The following NDST3 variants were observed in gnomAD, a reference collection of about 807,000 sequenced individuals.
The protein encoded by NDST3 is bifunctional heparan sulfate N-deacetylase/N-sulfotransferase 3.
Under a neutral mutation model 96.1 loss-of-function variants are expected in NDST3, and 58 were observed. The ratio of observed to expected loss-of-function variants is 0.60; its 90% confidence interval spans 0.49 to 0.75. The LOEUF (loss-of-function observed/expected upper bound fraction) is 0.75. Ranked by LOEUF, NDST3 falls within the 30% of genes least tolerant of loss-of-function variation. NDST3 has a pLI of 0.00. For missense variants in NDST3, 788 were observed against 1,034.2 expected, an observed-to-expected ratio of 0.76 and a Z score of 3.27; for synonymous variants, 333 against 359.7, an observed-to-expected ratio of 0.93 and a Z score of 0.84.
chr4:118,154,223 T>G (rs1488067325), intron 6 of NDST3, among the ~76,000 whole-genome samples: 19 of 152,214 alleles, frequency 1.2e-4, no homozygotes, highest in Admixed American at 1.2e-3. Flanking sequence ...CCAATTGTTC[T>G]GTATCTGTAA....
chr4:118,199,869 G>C (rs1290988378), intron 6 of NDST3, among the ~76,000 whole-genome samples: 1 of 152,084 alleles, frequency 6.6e-6, no homozygotes, highest in Non-Finnish European at 1.5e-5. Flanking sequence ...GATTACCGGA[G>C]ACTCTGGTTC....
At chr4:118,071,956 C>T (rs964077183) in intron 2 of NDST3, among the ~76,000 whole-genome samples, 17 of 151,900 alleles carry the variant, frequency 1.1e-4, no homozygotes, top group South Asian at 2.1e-4. Flanking sequence ...TGGTGTAAGA[C>T]GGTATCTCAT....
chr4:118,079,684 G>A (rs1727854119), intron 2 of NDST3, among the ~76,000 whole-genome samples: 1 of 152,130 alleles, frequency 6.6e-6, no homozygotes, highest in South Asian at 2.1e-4. Context: ...TTTGGCAAGG[G>A]AATAATAAGG....
intron 6 of NDST3, among the ~76,000 whole-genome samples, chr4:118,157,913 C>T (rs1023043495): frequency 3.3e-5 from 5 of 151,818 alleles, no homozygotes; most frequent in South Asian, 2.1e-4. Context: ...TAACTGCATA[C>T]GTTTAGTGAA....
intron 2 of NDST3, among the ~76,000 whole-genome samples, chr4:118,092,705 G>A (rs551037412): frequency 6.6e-6 from 1 of 151,934 alleles, no homozygotes; most frequent in East Asian, 1.9e-4. Context: ...ATTTATGAGT[G>A]CCTACTACAT....
chr4:118,214,717 A>G (rs995454231), intron 6 of NDST3, among the ~76,000 whole-genome samples: 1 of 152,112 alleles, frequency 6.6e-6, no homozygotes, highest in Non-Finnish European at 1.5e-5. Flanking sequence ...ATAGGGATAG[A>G]GAGGATCCGT....
At chr4:118,089,952 T>C (rs548923615) in intron 2 of NDST3, among the ~76,000 whole-genome samples, 4 of 152,052 alleles carry the variant, frequency 2.6e-5, no homozygotes, top group African/African-American at 9.6e-5. Flanking sequence ...ATGTCAGCCC[T>C]GCTTTTGCTC....
intron 6 of NDST3, among the ~76,000 whole-genome samples, chr4:118,184,524 A>G (rs1736802155): frequency 6.6e-6 from 1 of 151,476 alleles, no homozygotes; most frequent in Non-Finnish European, 1.5e-5. Flanking sequence ...TATAGTCACA[A>G]GCCAATTCCT....
rs1346644363 is a variant in NDST3 at position 118,075,286 on chromosome 4, T to C, written c.981+20395T>C. Among the ~76,000 whole-genome samples, 15 of 152,226 alleles carry C rather than the reference T, an allele frequency of 9.9e-5. 1 individual carries two copies. On this transcript the variant is annotated intron_variant, in intron 2 of 13. Coordinates refer to ENST00000296499, the MANE Select transcript of NDST3 (RefSeq NM_004784.3). ...GTGTATATGTGCCACAATTTCTTAA[T>C]CCAGTCTATCATTGTTGGACATTTG...
intron 5 of NDST3, among the ~76,000 whole-genome samples, chr4:118,140,528 C>A (rs555953229): frequency 6.6e-6 from 1 of 152,284 alleles, no homozygotes; most frequent in East Asian, 1.9e-4. Flanking sequence ...TTGAATATGA[C>A]TCTCTGGAAA....
chr4:118,156,714 T>C (rs1303973125), intron 6 of NDST3, among the ~76,000 whole-genome samples: 3 of 152,176 alleles, frequency 2.0e-5, no homozygotes, highest in East Asian at 1.9e-4. Context: ...TCACTCATAA[T>C]AAGAAAAATG....
chr4:118,238,487 A>G (rs1740825788), intron 10 of NDST3, among the ~76,000 whole-genome samples: 1 of 152,218 alleles, frequency 6.6e-6, no homozygotes, highest in Non-Finnish European at 1.5e-5. Flanking sequence ...TTTAATATGA[A>G]GCAGTCAAAA....
rs540511311 is a variant in NDST3 at position 118,176,291 on chromosome 4, A to G, written c.1539+32607A>G. Among the ~76,000 whole-genome samples, 4 of 152,170 alleles carry G rather than the reference A, an allele frequency of 2.6e-5. No individual in the cohort carries two copies. In the East Asian group the frequency reaches 7.7e-4, roughly 29 times the overall value. Reference sequence around the variant, plus strand: ...ACCTGCAAGCAAACCTATCCCCTACATATTTTCTCATACTTCATCCATACA... The same window carrying G: ...ACCTGCAAGCAAACCTATCCCCTACGTATTTTCTCATACTTCATCCATACA... On this transcript the variant is annotated intron_variant, in intron 6 of 13. Coordinates refer to ENST00000296499, the MANE Select transcript of NDST3 (RefSeq NM_004784.3).
In NDST3 at chr4:118,119,548, CA is replaced by C. The variant is rs1221937612; in HGVS notation, c.1224+4589del. ...GGCCACTTTAGAGTAATTCAAGCAG[CA>C]CAGTTTAGAAAGACATTGGCCATTG... On this transcript the variant is annotated intron_variant, in intron 4 of 13. Transcript: ENST00000296499. 3.3e-5 allele frequency among the ~76,000 whole-genome samples: 5 copies of C among 152,210 alleles called. No individual in the cohort carries two copies. In the East Asian group the frequency reaches 9.7e-4, roughly 29 times the overall value.
intron 2 of NDST3, among the ~76,000 whole-genome samples, chr4:118,091,097 C>T (rs1578618747): frequency 6.6e-6 from 1 of 150,942 alleles, no homozygotes; most frequent in African/African-American, 2.4e-5. Flanking sequence ...AATATGGACA[C>T]AAAGAAGAGA....
intron 9 of NDST3, among the ~76,000 whole-genome samples, chr4:118,235,367 T>C (rs904312512): frequency 6.6e-5 from 10 of 152,144 alleles, no homozygotes; most frequent in African/African-American, 2.4e-4. Flanking sequence ...CAAATGCCTG[T>C]AAGTGCCAGC....
In NDST3 at chr4:118,051,546, TAAATC is replaced by T. The variant is rs991030370; in HGVS notation, c.-155-2207_-155-2203del. ...TAATATCCAGAGTCTACAAGAAACT[TAAATC>T]AATAAGAAAGAAACAACCAACCCCC... is the stretch of plus-strand genomic sequence containing the variant. On this transcript the variant is annotated intron_variant, in intron 1 of 13. Coordinates refer to ENST00000296499, the MANE Select transcript of NDST3 (RefSeq NM_004784.3). 2.6e-5 allele frequency among the ~76,000 whole-genome samples: 4 copies of T among 151,832 alleles called. No homozygotes were observed. The East Asian group carries it at 5.8e-4, about 22-fold the overall frequency.
chr4:118,156,064 A>AT (rs939370818), intron 6 of NDST3, among the ~76,000 whole-genome samples: 1 of 152,158 alleles, frequency 6.6e-6, no homozygotes, highest in Non-Finnish European at 1.5e-5. Context: ...AGCATTCAGG[A>AT]TAGACAGAAA....
chr4:118,084,199 G>A (rs1446276865), intron 2 of NDST3, among the ~76,000 whole-genome samples: 2 of 151,870 alleles, frequency 1.3e-5, no homozygotes, highest in African/African-American at 4.8e-5. Context: ...TGCTAAATGA[G>A]TAGGTTTTAG....
Sources: allele counts gnomAD v4.1 joint callset (sites outside exome capture counted in the v4.1 genomes callset), GRCh38; gene constraint gnomAD v4.1.1; transcripts MANE v1.5; gene names NCBI Gene and HGNC (gene_info 2026-07-23, HGNC 2026-07-21).